COL28A1: variants seen among roughly 807,000 people sequenced by gnomAD.
The protein encoded by COL28A1 is collagen type XXVIII alpha 1 chain.
A neutral mutation model predicts 150.2 loss-of-function variants in COL28A1; 161 were observed. That is an observed-to-expected ratio of 1.07 (90% CI 0.94 to 1.22). The LOEUF (loss-of-function observed/expected upper bound fraction) is 1.22. Ranked by LOEUF, COL28A1 falls within the 50% of genes most tolerant of loss-of-function variation. The probability of loss-of-function intolerance (pLI) is 0.00; values close to 1 mark genes in which losing one functional copy is unlikely to be tolerated. For synonymous variants in COL28A1, 552 were observed against 469.7 expected, an observed-to-expected ratio of 1.18 and a Z score of -2.26; for missense variants, 1,617 against 1,388.3, an observed-to-expected ratio of 1.16 and a Z score of -2.62.
At chr7:7,364,479 C>T (rs1303225296) in intron 33 of COL28A1, among the ~76,000 whole-genome samples, 2 of 152,178 alleles carry the variant, frequency 1.3e-5, no homozygotes, top group Non-Finnish European at 2.9e-5. Context: ...TACCTTCCCA[C>T]CATCTGCTGC....
chr7:7,458,154 C>G (rs78565321), intron 15 of COL28A1, among the ~76,000 whole-genome samples: 2 of 152,198 alleles, frequency 1.3e-5, no homozygotes, highest in African/African-American at 2.4e-5. Context: ...CCGTGGCTCA[C>G]GCCTATAATC....
intron 33 of COL28A1, among the ~76,000 whole-genome samples, chr7:7,368,810 A>G (rs907503856): frequency 2.0e-5 from 3 of 152,188 alleles, no homozygotes; most frequent in Non-Finnish European, 2.9e-5. Context: ...AGTCTATGGT[A>G]TTTTTGTTAT....
At chr7:7,490,949 G>A (rs920567940) in intron 11 of COL28A1, among the ~76,000 whole-genome samples, 1 of 152,128 alleles carries the variant, frequency 6.6e-6, no homozygotes, top group Non-Finnish European at 1.5e-5. Context: ...ATATAACAAT[G>A]AATACAGCTT....
chr7:7,394,806 C>G (rs372665102), intron 27 of COL28A1, among the ~76,000 whole-genome samples: 9 of 152,284 alleles, frequency 5.9e-5, no homozygotes, highest in East Asian at 5.8e-4. Context: ...TCCCAAGGTT[C>G]CTTTGTCATC....
intron 11 of COL28A1, among the ~76,000 whole-genome samples, chr7:7,505,412 G>C (rs1446944894): frequency 6.6e-6 from 1 of 152,142 alleles, no homozygotes. Context: ...CAAATTAATG[G>C]TCACTCTCAT....
chr7:7,539,068 T>C (rs1782740559), upstream of COL28A1, among the ~76,000 whole-genome samples: 1 of 151,532 alleles, frequency 6.6e-6, no homozygotes, highest in Non-Finnish European at 1.5e-5. Flanking sequence ...GGATTCATTA[T>C]CCTTGGACCC....
At chr7:7,465,152 C>A (rs374670974) in intron 15 of COL28A1, among the ~76,000 whole-genome samples, 1 of 150,956 alleles carries the variant, frequency 6.6e-6, no homozygotes, top group African/African-American at 2.4e-5. Context: ...CCAGCGTGAG[C>A]GACGCAGAAG....
At chr7:7,444,828 A>T (rs1786126209) in intron 18 of COL28A1, among the ~76,000 whole-genome samples, 1 of 152,160 alleles carries the variant, frequency 6.6e-6, no homozygotes, top group African/African-American at 2.4e-5. Context: ...AAAAGGTGAT[A>T]TAATTTGGCT....
At chr7:7,496,732 C>CT (rs1318242202) in intron 11 of COL28A1, among the ~76,000 whole-genome samples, 4 of 152,232 alleles carry the variant, frequency 2.6e-5, no homozygotes, top group African/African-American at 9.6e-5. Context: ...GAACTTTACA[C>CT]TTTTTTTGAT....
chr7:7,426,167 C>G (rs996326632), intron 25 of COL28A1, among the ~76,000 whole-genome samples: 6 of 152,148 alleles, frequency 3.9e-5, no homozygotes, highest in Admixed American at 3.9e-4. Context: ...GAATGGTACT[C>G]TAAAGATTCT....
chr7:7,539,284 C>T (rs116935186), upstream of COL28A1, among the ~76,000 whole-genome samples: 158 of 152,316 alleles, frequency 1.0e-3, 1 homozygote, highest in East Asian at 0.028. Context: ...TGCTTCTACT[C>T]ATGGCAGAAG....
intron 26 of COL28A1, 72 bp from the exon 27 acceptor site, chr7:7,417,999 T>A: frequency 8.3e-7 from 1 of 1,202,736 alleles, no homozygotes; most frequent in South Asian, 1.3e-5. Flanking sequence ...TAAGTATTAC[T>A]ACTCTCAGCT....
chr7:7,491,647 A>C (rs1018851738), intron 11 of COL28A1, among the ~76,000 whole-genome samples: 2 of 152,200 alleles, frequency 1.3e-5, no homozygotes, highest in African/African-American at 4.8e-5. Flanking sequence ...TGACCATTGC[A>C]CTCAAACCCC....
the COL28A1 span, among the ~76,000 whole-genome samples, chr7:7,345,562 T>G: frequency 1.4e-4 from 20 of 146,096 alleles, no homozygotes; most frequent in South Asian, 4.1e-3. Context: ...TCAGTTTTTG[T>G]TTTTTTGTGT....
At chr7:7,427,507 C>T (rs1784710814) in intron 25 of COL28A1, among the ~76,000 whole-genome samples, 1 of 152,142 alleles carries the variant, frequency 6.6e-6, no homozygotes. Flanking sequence ...TCACACATTC[C>T]TAATGCATCT....
At chr7:7,533,708 C>A (rs1426960359) in intron 1 of COL28A1, among the ~76,000 whole-genome samples, 1 of 152,110 alleles carries the variant, frequency 6.6e-6, no homozygotes, top group Non-Finnish European at 1.5e-5. Flanking sequence ...AAATCTAATT[C>A]TGTATTAAAA....
intron 30 of COL28A1, among the ~76,000 whole-genome samples, chr7:7,376,956 ATTAT>A (rs1781586599): frequency 6.6e-6 from 1 of 152,160 alleles, no homozygotes; most frequent in South Asian, 2.1e-4. Flanking sequence ...AATACTGGCT[ATTAT>A]TATTATATCA....
At chr7:7,402,310 G>C (rs980494718) in intron 27 of COL28A1, among the ~76,000 whole-genome samples, 6 of 152,298 alleles carry the variant, frequency 3.9e-5, no homozygotes, top group African/African-American at 1.4e-4. Context: ...AATAAGAAGA[G>C]ATAAATTATA....
At chr7:7,523,414 T>G (rs1781848673) in intron 4 of COL28A1, among the ~76,000 whole-genome samples, 1 of 151,894 alleles carries the variant, frequency 6.6e-6, no homozygotes, top group Non-Finnish European at 1.5e-5. Flanking sequence ...TGCCTCGGCC[T>G]CCCAAACTGC....
Sources: allele counts gnomAD v4.1 joint callset (sites outside exome capture counted in the v4.1 genomes callset), GRCh38; gene constraint gnomAD v4.1.1; transcripts MANE v1.5; gene names NCBI Gene and HGNC (gene_info 2026-07-23, HGNC 2026-07-21).